Variants in PBRM1 observed in about 807,000 individuals in gnomAD.
The protein encoded by PBRM1 is polybromo 1.
In PBRM1, 27 loss-of-function variants were observed where a neutral mutation model predicts 194.5. The ratio of observed to expected loss-of-function variants is 0.14; its 90% CI spans 0.10 to 0.19. PBRM1 has a LOEUF of 0.19. Ranked by LOEUF, PBRM1 falls within the 10% of genes least tolerant of loss-of-function variation. The probability of loss-of-function intolerance (pLI) is 1.00; values close to 1 mark genes in which losing one functional copy is unlikely to be tolerated. For synonymous variants in PBRM1, 655 were observed against 693.2 expected (o/e 0.94, Z 0.87); for missense variants, 1,466 against 2,077.2 (o/e 0.71, Z 5.72).
chr3:52,628,471 T>C (rs1336929126), intron 12 of PBRM1, among the ~76,000 whole-genome samples: 1 of 122,302 alleles, frequency 8.2e-6, no homozygotes, highest in Admixed American at 9.0e-5. Context: ...ATATATTATA[T>C]ATATTGTTTG....
At chr3:52,567,095 G>A (rs1386131690) in intron 22 of PBRM1, among the ~76,000 whole-genome samples, 8 of 147,740 alleles carry the variant, frequency 5.4e-5, no homozygotes, top group Non-Finnish European at 1.0e-4. Flanking sequence ...AGGTTAAAAT[G>A]ATGAATTCTA....
At chr3:52,668,680 T>C (rs2096887238) in intron 2 of PBRM1, 35 bp from the exon 4 acceptor site, 1 of 1,318,206 alleles carries the variant, frequency 7.6e-7, no homozygotes, top group Non-Finnish European at 1.0e-6. Context: ...AGGAGATTAA[T>C]CTGAAGCTTA....
intron 22 of PBRM1, among the ~76,000 whole-genome samples, chr3:52,571,155 T>G (rs2087008823): frequency 6.6e-6 from 1 of 151,972 alleles, no homozygotes; most frequent in Middle Eastern, 3.2e-3. Context: ...AAATGCTGTC[T>G]CTACTAAATA....
chr3:52,662,020 A>G, intron 4 of PBRM1, 113 bp downstream of exon 5: 2 of 1,050,372 alleles, frequency 1.9e-6, no homozygotes, highest in Non-Finnish European at 2.8e-6. Context: ...CCAGTTACCA[A>G]TACAATTGCA....
rs565215123 is a variant in PBRM1, at chr3:52,566,077, A to C, written c.3692-1844T>G. 7.2e-5 allele frequency among the ~76,000 whole-genome samples: 11 copies of C among 152,270 alleles called. 1 individual carries two copies. Among genetic ancestry groups the C allele is most frequent in the African/African-American group, 2.4e-4 (10 of 41,554 alleles). ...AACAAAACAAAACAAAACAAAAAAA[A>C]CACAATGCTTAACAGCATTCATCAT... On this transcript the variant is annotated intron_variant, in intron 22 of 29. Coordinates refer to ENST00000296302, the Ensembl canonical transcript of PBRM1.
At chr3:52,553,098 C>G (rs1337561150) in intron 27 of PBRM1, among the ~76,000 whole-genome samples, 1 of 152,246 alleles carries the variant, frequency 6.6e-6, no homozygotes, top group Non-Finnish European at 1.5e-5. Context: ...AAAACCCTAT[C>G]ACTGGTAGGT....
intron 22 of PBRM1, among the ~76,000 whole-genome samples, chr3:52,571,415 C>G (rs2087155374): frequency 6.6e-6 from 1 of 150,552 alleles, no homozygotes; most frequent in African/African-American, 2.4e-5. Flanking sequence ...ATCACGAGGT[C>G]AGGAGATCAA....
chr3:52,592,694 T>G (rs889079580), intron 17 of PBRM1, among the ~76,000 whole-genome samples: 2 of 152,206 alleles, frequency 1.3e-5, no homozygotes, highest in Non-Finnish European at 2.9e-5. Context: ...GAGGAGTCCT[T>G]TCTCCTCAGT....
chr3:52,678,713 C>T (rs2097154986), intron 1 of PBRM1, 116 bp from the exon 3 acceptor site: 1 of 626,168 alleles, frequency 1.6e-6, no homozygotes, highest in Admixed American at 2.8e-5. Context: ...AAAATGATGA[C>T]TCTCAATATT....
At chr3:52,661,123 T>A (rs1456030916) in intron 4 of PBRM1, among the ~76,000 whole-genome samples, 1 of 152,142 alleles carries the variant, frequency 6.6e-6, no homozygotes, top group Non-Finnish European at 1.5e-5. Flanking sequence ...CCTCCTGGGT[T>A]CAAGCGATTA....
intron 20 of PBRM1, among the ~76,000 whole-genome samples, chr3:52,582,199 G>A (rs1235238915): frequency 8.6e-5 from 12 of 138,958 alleles, no homozygotes; most frequent in South Asian, 4.8e-4. Flanking sequence ...CTGAGATTGC[G>A]CCACTGCACT....
chr3:52,635,589 A>C (rs1019502734), intron 10 of PBRM1, among the ~76,000 whole-genome samples: 2 of 152,212 alleles, frequency 1.3e-5, no homozygotes, highest in Admixed American at 1.3e-4. Flanking sequence ...AAAACAAAAA[A>C]ACCTCTCAAA....
At chr3:52,643,087 C>G (rs1032639398) in intron 9 of PBRM1, among the ~76,000 whole-genome samples, 161 bp downstream of exon 10, 1 of 152,198 alleles carries the variant, frequency 6.6e-6, no homozygotes, top group Non-Finnish European at 1.5e-5. Flanking sequence ...TGTGCCCACC[C>G]TAGTAACTCA....
At chr3:52,663,525 C>A (rs2096768754) in intron 3 of PBRM1, among the ~76,000 whole-genome samples, 1 of 152,170 alleles carries the variant, frequency 6.6e-6, no homozygotes, top group Non-Finnish European at 1.5e-5. Flanking sequence ...AGAAACAAAT[C>A]ATTTCTGGAT....
chr3:52,553,805 G>A (rs2081583787), intron 27 of PBRM1, among the ~76,000 whole-genome samples: 1 of 151,970 alleles, frequency 6.6e-6, no homozygotes, highest in African/African-American at 2.4e-5. Context: ...GGGACTACAG[G>A]TGCCCGCCAC....
intron 16 of PBRM1, among the ~76,000 whole-genome samples, chr3:52,605,883 G>A (rs975852521): frequency 1.3e-5 from 2 of 152,108 alleles, no homozygotes; most frequent in African/African-American, 4.8e-5. Context: ...GATTACAGGT[G>A]TGAGCCACTG....
chr3:52,591,375 A>G (rs1482648746), intron 17 of PBRM1, among the ~76,000 whole-genome samples: 1 of 152,156 alleles, frequency 6.6e-6, no homozygotes. Flanking sequence ...TTATTTCAGC[A>G]TGACGTTGGG....
intron 24 of PBRM1, 82 bp from the exon 27 acceptor site, chr3:52,562,050 G>A (rs2083671966): frequency 1.9e-5 from 20 of 1,061,730 alleles, no homozygotes; most frequent in African/African-American, 1.7e-4. Context: ...AGCCGGGCGC[G>A]GTGGCTCACA....
Position 52,554,708 on chromosome 3 carries a change from A to G in PBRM1, c.4609+16T>C, listed in dbSNP as rs779926662. On this transcript the variant is annotated intron_variant, in intron 27 of 29. Transcript: ENST00000296302. ...TGAAGATGAGATTAATGAGTGAATG[A>G]GGATGAAGTTCTTACCCGGTGGTGG... 32 of 1,538,180 alleles carry G rather than the reference A, an allele frequency of 2.1e-5. No individual in the cohort carries two copies. Among genetic ancestry groups the G allele is most frequent in the Admixed American group, 4.7e-5 (2 of 42,150 alleles).
Sources: allele counts gnomAD v4.1 joint callset (sites outside exome capture counted in the v4.1 genomes callset), GRCh38; gene constraint gnomAD v4.1.1; transcripts MANE v1.5; gene names NCBI Gene and HGNC (gene_info 2026-07-23, HGNC 2026-07-21).